Variants in MAN1A1 observed in about 807,000 individuals in gnomAD.
MAN1A1 encodes the protein mannosidase alpha class 1A member 1.
In MAN1A1, 29 loss-of-function variants were observed where a neutral mutation model predicts 70.8. That is an observed-to-expected ratio of 0.41 (90% CI 0.31 to 0.56). The LOEUF (loss-of-function observed/expected upper bound fraction) is 0.56. Ranked by LOEUF, MAN1A1 falls within the 20% of genes least tolerant of loss-of-function variation. MAN1A1 has a pLI of 0.29. For synonymous variants in MAN1A1, 349 were observed against 330.1 expected, an observed-to-expected ratio of 1.06 and a Z score of -0.62; for missense variants, 747 against 841.3, an observed-to-expected ratio of 0.89 and a Z score of 1.39.
At chr6:119,271,139 T>G (rs1482303620) in intron 5 of MAN1A1, among the ~76,000 whole-genome samples, 1 of 152,090 alleles carries the variant, frequency 6.6e-6, no homozygotes, top group Non-Finnish European at 1.5e-5. Context: ...CTGGAAGGAG[T>G]CATTGTGTTT....
In MAN1A1 at chr6:119,193,901, A is replaced by T; in HGVS notation, c.1211-9T>A. 6.4e-7 allele frequency: 1 copy of T among 1,557,600 alleles called. No homozygotes were observed. Among genetic ancestry groups the T allele is most frequent in the Non-Finnish European group, 8.8e-7 (1 of 1,131,282 alleles). ...TCCAACTGATACATGATCTGGAAAG[A>T]GAGGGAAATGAATTTTAGAGTGATT... On this transcript the variant is annotated splice_polypyrimidine_tract_variant and intron_variant, in intron 8 of 12. Transcript: ENST00000368468.
At chr6:119,260,954 C>T (rs1775590716) in intron 5 of MAN1A1, among the ~76,000 whole-genome samples, 1 of 140,710 alleles carries the variant, frequency 7.1e-6, no homozygotes. Context: ...CATGCACTAT[C>T]TAAATGTCTT....
chr6:119,201,382 T>TA (rs763220435), intron 7 of MAN1A1, 35 bp from the exon 8 acceptor site: 4 of 1,427,990 alleles, frequency 2.8e-6, no homozygotes, highest in Non-Finnish European at 3.0e-6. Context: ...CGTGAAAATC[T>TA]AAAAAACAAT....
intron 2 of MAN1A1, among the ~76,000 whole-genome samples, chr6:119,321,874 C>T (rs1773019086): frequency 6.6e-6 from 1 of 152,152 alleles, no homozygotes; most frequent in Non-Finnish European, 1.5e-5. Context: ...CCACCTCAGC[C>T]TCCCAAAGTG....
At chr6:119,186,413 G>A (rs1439199295) in intron 11 of MAN1A1, among the ~76,000 whole-genome samples, 1 of 152,166 alleles carries the variant, frequency 6.6e-6, no homozygotes, top group Non-Finnish European at 1.5e-5. Flanking sequence ...AAGTGGGCAA[G>A]TGGGAAAAGC....
intron 2 of MAN1A1, among the ~76,000 whole-genome samples, chr6:119,311,428 C>T (rs753536399): frequency 2.0e-5 from 3 of 152,154 alleles, no homozygotes; most frequent in South Asian, 2.1e-4. Context: ...TAGAAAGGTC[C>T]TCTCCAGGTG....
chr6:119,321,271 T>C (rs1370383203), intron 2 of MAN1A1, among the ~76,000 whole-genome samples: 1 of 152,238 alleles, frequency 6.6e-6, no homozygotes. Context: ...TAGAATTCCA[T>C]ATCCTTCATT....
chr6:119,193,041 G>A (rs926819218), intron 9 of MAN1A1, among the ~76,000 whole-genome samples: 2 of 152,018 alleles, frequency 1.3e-5, no homozygotes, highest in Admixed American at 1.3e-4. Flanking sequence ...AATCCACAGT[G>A]GATGAGTTAA....
intron 2 of MAN1A1, among the ~76,000 whole-genome samples, chr6:119,338,034 T>C (rs1429865514): frequency 6.6e-6 from 1 of 150,540 alleles, no homozygotes; most frequent in Non-Finnish European, 1.5e-5. Flanking sequence ...AAACCTGTAG[T>C]TGGCTAGATA....
Position 119,349,721 on chromosome 6 carries a change from T to A in MAN1A1, c.-402A>T. 1 of 985,616 alleles carries A rather than the reference T, an allele frequency of 1.0e-6. No homozygotes were observed. The highest frequency in any genetic ancestry group is 1.2e-6 in the Non-Finnish European group (1 of 830,020). 61.1% of individuals were successfully genotyped at this position (985,616 alleles called of 1,614,324 possible). A position where few individuals can be genotyped will look rare whatever the true frequency, so the allele number is the denominator to read the frequency against. The stretch of plus-strand genomic sequence containing the variant: ...CGACCTGCGGGCGAATGGCAGCGAG[T>A]AGAGCAGCACGGTACACTCCGCCGC... On this transcript the variant is annotated 5_prime_UTR_variant, in exon 1 of 13. Transcript: ENST00000368468.
chr6:119,205,377 T>C (rs539782811), intron 6 of MAN1A1, among the ~76,000 whole-genome samples: 3 of 152,308 alleles, frequency 2.0e-5, no homozygotes, highest in Admixed American at 6.5e-5. Context: ...TCTCCAAATC[T>C]TCCTGCATTT....
intron 5 of MAN1A1, among the ~76,000 whole-genome samples, chr6:119,275,375 C>G (rs551571521): frequency 9.2e-6 from 1 of 109,058 alleles, no homozygotes; most frequent in Non-Finnish European, 1.9e-5. Context: ...GGCGGGATCT[C>G]GGCTCACTGC....
intron 6 of MAN1A1, among the ~76,000 whole-genome samples, chr6:119,214,543 A>G (rs1774144269): frequency 6.6e-6 from 1 of 152,066 alleles, no homozygotes; most frequent in Non-Finnish European, 1.5e-5. Context: ...TTTTTTAGAC[A>G]GGGTCTCACT....
chr6:119,290,612 T>C, intron 5 of MAN1A1, 71 bp downstream of exon 5: 3 of 994,004 alleles, frequency 3.0e-6, no homozygotes, highest in Non-Finnish European at 3.1e-6. Context: ...ATGTCACGAA[T>C]GGCATATTTT....
chr6:119,205,162 T>C (rs1582694706), intron 6 of MAN1A1, among the ~76,000 whole-genome samples: 3 of 152,324 alleles, frequency 2.0e-5, no homozygotes, highest in Non-Finnish European at 2.9e-5. Context: ...AGGTGCTATA[T>C]AGATGCATAA....
chr6:119,328,416 GTA>G (rs1562244364), intron 2 of MAN1A1, among the ~76,000 whole-genome samples: 1 of 152,238 alleles, frequency 6.6e-6, no homozygotes, highest in Non-Finnish European at 1.5e-5. Flanking sequence ...CAAATGCACT[GTA>G]TATCTTCACA....
chr6:119,345,109 A>G (rs1302671585), intron 2 of MAN1A1, among the ~76,000 whole-genome samples: 4 of 151,926 alleles, frequency 2.6e-5, no homozygotes, highest in Non-Finnish European at 4.4e-5. Flanking sequence ...AGAAAAACGA[A>G]AAAAAAAGTC....
Position 119,349,019 on chromosome 6 carries a change from C to T in MAN1A1, c.47G>A (p.Gly16Asp), listed in dbSNP as rs1016035714. 6 of 1,369,920 alleles carry T rather than the reference C, an allele frequency of 4.4e-6. No homozygotes were observed. The Admixed American group carries it at 1.4e-4, about 33-fold the overall frequency. 84.9% of individuals were successfully genotyped at this position (1,369,920 alleles called of 1,614,324 possible). ...LLPLFSSPAGGVLGGGLGGGG... is the reference protein window; with the variant it reads ...LLPLFSSPAGDVLGGGLGGGG... ...GCCGCCGAGCCCCCCGCCCAGGACG[C>T]CGCCCGCGGGGCTGCTGAAGAGCGG... The change falls in exon 2 of 13, where the codon GGC (glycine) becomes GAC (aspartate). Residue 16 changes from glycine to aspartate, a missense_variant. Physicochemically the swap from Gly to Asp is moderately conservative, Grantham distance 94. Transcript: ENST00000368468.
At chr6:119,183,849 C>T (rs2114925854) in intron 11 of MAN1A1, among the ~76,000 whole-genome samples, 1 of 152,098 alleles carries the variant, frequency 6.6e-6, no homozygotes, top group Non-Finnish European at 1.5e-5. Flanking sequence ...ATCAGTGGCC[C>T]CAGAGGTTCC....
Sources: gnomAD v4.1 joint callset for allele counts (sites outside exome capture counted in the v4.1 genomes callset) on GRCh38, gnomAD v4.1.1 for gene constraint, MANE v1.5 for transcripts, NCBI Gene and HGNC (gene_info 2026-07-23, HGNC 2026-07-21) for gene names.